NCALD: variants seen among roughly 807,000 people sequenced by gnomAD.
The protein encoded by NCALD is neurocalcin-delta.
NCALD carries 10 observed loss-of-function variants against 18.6 expected under a neutral mutation model. That is an observed-to-expected ratio of 0.54 (90% CI 0.33 to 0.91). The LOEUF is 0.91. NCALD is among the 40% of genes least tolerant of loss of function. NCALD has a pLI of 0.03. For missense variants in NCALD, 184 were observed against 247.6 expected, an observed-to-expected ratio of 0.74 and a Z score of 1.72; for synonymous variants, 88 against 87.4, an observed-to-expected ratio of 1.01 and a Z score of -0.04.
intron 2 of NCALD, among the ~76,000 whole-genome samples, chr8:101,929,228 AAGG>A (rs372903829): frequency 5.1e-4 from 55 of 108,756 alleles, no homozygotes; most frequent in Non-Finnish European, 6.0e-4. Context: ...GAAGGGGAAG[AAGG>A]AGGAGGAGGA....
chr8:102,108,461 A>C (rs1360430562), intron 1 of NCALD, among the ~76,000 whole-genome samples: 1 of 152,220 alleles, frequency 6.6e-6, no homozygotes, highest in Non-Finnish European at 1.5e-5. Context: ...AGGTGTTTTA[A>C]ATGCCTCACA....
intron 1 of NCALD, among the ~76,000 whole-genome samples, chr8:102,118,964 G>A (rs1587122663): frequency 6.6e-6 from 1 of 152,296 alleles, no homozygotes; most frequent in South Asian, 2.1e-4. Flanking sequence ...TGGAATCCTT[G>A]TGCATTGCTG....
chr8:101,908,481 T>C (rs1817684420), intron 3 of NCALD, among the ~76,000 whole-genome samples: 1 of 152,226 alleles, frequency 6.6e-6, no homozygotes, highest in African/African-American at 2.4e-5. Context: ...AATATTTCCA[T>C]CTTTCATTTC....
intron 2 of NCALD, among the ~76,000 whole-genome samples, chr8:101,699,524 A>G (rs1489577096): frequency 6.6e-6 from 1 of 152,242 alleles, no homozygotes; most frequent in Non-Finnish European, 1.5e-5. Flanking sequence ...ATTCCCATCA[A>G]TGATAGGCTG....
chr8:101,766,642 T>A (rs1811360086), intron 1 of NCALD, among the ~76,000 whole-genome samples: 1 of 152,224 alleles, frequency 6.6e-6, no homozygotes, highest in African/African-American at 2.4e-5. Flanking sequence ...GCTGGAGTGA[T>A]CTCAGCCCAC....
At chr8:102,062,772 G>C (rs1823888570) in intron 1 of NCALD, among the ~76,000 whole-genome samples, 1 of 152,132 alleles carries the variant, frequency 6.6e-6, no homozygotes, top group African/African-American at 2.4e-5. Flanking sequence ...AAAGAGAGGA[G>C]TACAAGGGGC....
At chr8:101,736,855 C>T (rs116118785) in intron 1 of NCALD, among the ~76,000 whole-genome samples, 5,217 of 152,244 alleles carry the variant, frequency 0.034, 115 homozygotes, top group Middle Eastern at 0.065. Context: ...CAGGCTCTGG[C>T]TGGACAAGAA....
intron 2 of NCALD, among the ~76,000 whole-genome samples, chr8:101,985,526 C>G (rs1237930698): frequency 2.0e-5 from 3 of 152,124 alleles, no homozygotes; most frequent in African/African-American, 7.2e-5. Flanking sequence ...AGAGATGAGG[C>G]AGATTCTATA....
intron 2 of NCALD, among the ~76,000 whole-genome samples, chr8:101,981,790 C>T (rs763453361): frequency 1.9e-4 from 29 of 152,226 alleles, no homozygotes; most frequent in Admixed American, 9.2e-4. Context: ...TATATGAATT[C>T]CAAGTCTCAA....
chr8:101,791,877 G>A (rs1660655625), upstream of NCALD, among the ~76,000 whole-genome samples: 1 of 152,142 alleles, frequency 6.6e-6, no homozygotes. Context: ...CAGAGCCATA[G>A]AATGAAAGGG....
intron 1 of NCALD, among the ~76,000 whole-genome samples, chr8:101,770,070 C>T (rs1586456461): frequency 2.0e-5 from 3 of 152,300 alleles, no homozygotes; most frequent in South Asian, 4.2e-4. Flanking sequence ...AGTTTCCTAA[C>T]ACCATCATTA....
At chr8:101,752,353 C>A (rs750200522) in intron 1 of NCALD, among the ~76,000 whole-genome samples, 2 of 152,136 alleles carry the variant, frequency 1.3e-5, no homozygotes, top group Non-Finnish European at 2.9e-5. Context: ...TGTTGAGGAA[C>A]ATCTAAGTGG....
At chr8:101,717,049 C>T (rs1193543698) in intron 2 of NCALD, among the ~76,000 whole-genome samples, 1 of 152,220 alleles carries the variant, frequency 6.6e-6, no homozygotes, top group East Asian at 1.9e-4. Context: ...CTTCTGACCT[C>T]AAGAACAATA....
chr8:101,943,645 A>C (rs530259075), intron 2 of NCALD, among the ~76,000 whole-genome samples: 1 of 152,312 alleles, frequency 6.6e-6, no homozygotes, highest in Admixed American at 6.5e-5. Flanking sequence ...TCTAATTAAC[A>C]GGGGCAACTT....
At chr8:101,709,614 C>G (rs558165721) in intron 2 of NCALD, among the ~76,000 whole-genome samples, 1 of 152,288 alleles carries the variant, frequency 6.6e-6, no homozygotes, top group South Asian at 2.1e-4. Context: ...GTCAACATTC[C>G]CTCCACCCCT....
intron 2 of NCALD, among the ~76,000 whole-genome samples, chr8:101,945,203 A>C (rs4734602): frequency 0.36 from 54,228 of 152,028 alleles, 9,963 homozygotes; most frequent in South Asian, 0.44. Flanking sequence ...GTGTTCATTC[A>C]ACCAGCCACT....
At position 101,706,466 on chromosome 8, in the gene NCALD, T is replaced by C. The variant is rs542877894; in HGVS notation, c.378+12786A>G. On this transcript the variant is annotated intron_variant, in intron 2 of 3. Transcript: ENST00000220931. The stretch of plus-strand genomic sequence containing the variant: ...GAAGATCTGGAAGCAATTTGTTTCT[T>C]CATCCATAAAATTGGGCTAATATGG... Among the ~76,000 whole-genome samples, 354 of 152,320 alleles carry C rather than the reference T, an allele frequency of 2.3e-3. 1 individual carries two copies. Among genetic ancestry groups the C allele is most frequent in the Admixed American group, 3.7e-3 (56 of 15,304 alleles).
intron 1 of NCALD, among the ~76,000 whole-genome samples, chr8:101,760,744 A>T (rs73699938): frequency 0.02 from 2,981 of 152,292 alleles, 106 homozygotes; most frequent in East Asian, 0.11. Flanking sequence ...AGTAATTTAC[A>T]TTCAAATAGT....
intron 1 of NCALD, among the ~76,000 whole-genome samples, chr8:101,767,867 G>C (rs1811416011): frequency 6.6e-6 from 1 of 152,142 alleles, no homozygotes; most frequent in Non-Finnish European, 1.5e-5. Context: ...CTTCACTCCT[G>C]GTGTTTGTTC....
Sources: gnomAD v4.1 joint callset for allele counts (sites outside exome capture counted in the v4.1 genomes callset) on GRCh38, gnomAD v4.1.1 for gene constraint, MANE v1.5 for transcripts, NCBI Gene and HGNC (gene_info 2026-07-23, HGNC 2026-07-21) for gene names.